Variants in SDK1 observed in about 807,000 individuals in gnomAD.
SDK1 encodes sidekick cell adhesion molecule 1.
Under a neutral mutation model 245.5 loss-of-function variants are expected in SDK1, and 157 were observed. That is an observed-to-expected ratio of 0.64 (90% CI 0.56 to 0.73). SDK1 has a LOEUF of 0.73. Among genes scored for constraint, SDK1 ranks in the 30% least tolerant of loss-of-function variants. The pLI is 0.00. For missense variants in SDK1, 3,583 were observed against 3,002.3 expected, an observed-to-expected ratio of 1.19 and a Z score of -4.52; for synonymous variants, 1,647 against 1,278.5, an observed-to-expected ratio of 1.29 and a Z score of -6.15.
intron 1 of SDK1, among the ~76,000 whole-genome samples, chr7:3,472,866 G>T (rs546625264): frequency 1.3e-5 from 2 of 152,266 alleles, no homozygotes; most frequent in East Asian, 3.9e-4. Flanking sequence ...GAGAACATGG[G>T]GTAACAGTCA....
At chr7:3,979,118 C>T (rs961539177) in intron 13 of SDK1, among the ~76,000 whole-genome samples, 2 of 152,180 alleles carry the variant, frequency 1.3e-5, no homozygotes, top group African/African-American at 4.8e-5. Context: ...CCCTGCTCAC[C>T]TTTCACTACT....
intron 27 of SDK1, among the ~76,000 whole-genome samples, chr7:4,131,906 A>G (rs1036523275): frequency 2.0e-5 from 3 of 152,220 alleles, no homozygotes; most frequent in African/African-American, 7.2e-5. Context: ...AGGCCGCCTC[A>G]TCTACCACCT....
intron 1 of SDK1, among the ~76,000 whole-genome samples, chr7:3,308,170 G>A (rs1003833024): frequency 6.6e-6 from 1 of 152,102 alleles, no homozygotes; most frequent in Admixed American, 6.6e-5. Flanking sequence ...GAAATTTGGA[G>A]AAATAAATTT....
chr7:3,431,193 G>A (rs113943681), intron 1 of SDK1, among the ~76,000 whole-genome samples: 5,736 of 152,068 alleles, frequency 0.038, 328 homozygotes, highest in African/African-American at 0.12. Context: ...GAGGCACCAC[G>A]CCTGGCCTTT....
intron 1 of SDK1, among the ~76,000 whole-genome samples, chr7:3,574,054 C>G (rs1454185344): frequency 2.6e-5 from 4 of 151,712 alleles, no homozygotes; most frequent in East Asian, 3.9e-4. Flanking sequence ...GAATTTGTAG[C>G]TGAGGATAGA....
chr7:4,238,175 A>C (rs970996605), intron 42 of SDK1, among the ~76,000 whole-genome samples: 4 of 151,596 alleles, frequency 2.6e-5, no homozygotes, highest in African/African-American at 9.7e-5. Flanking sequence ...TGTCTCCTGC[A>C]TTCAAGTGAT....
chr7:4,051,330 T>A (rs932982062), intron 18 of SDK1, among the ~76,000 whole-genome samples: 4 of 147,730 alleles, frequency 2.7e-5, no homozygotes, highest in African/African-American at 9.9e-5. Context: ...TATATATATG[T>A]TTTTTAACCT....
At chr7:3,680,354 A>T (rs1026641470) in intron 4 of SDK1, among the ~76,000 whole-genome samples, 8 of 152,186 alleles carry the variant, frequency 5.3e-5, no homozygotes, top group Non-Finnish European at 1.0e-4. Flanking sequence ...GGTGGACAGC[A>T]CAGGGGATCT....
At chr7:4,198,176 C>T (rs990366909) in intron 35 of SDK1, among the ~76,000 whole-genome samples, 2 of 152,222 alleles carry the variant, frequency 1.3e-5, no homozygotes, top group Non-Finnish European at 2.9e-5. Context: ...GTGGAAATGT[C>T]CTGTAGCTCC....
chr7:4,065,773 G>T (rs1779860024), intron 19 of SDK1, among the ~76,000 whole-genome samples: 1 of 134,378 alleles, frequency 7.4e-6, no homozygotes, highest in Non-Finnish European at 1.5e-5. Flanking sequence ...GTGTTAGAAG[G>T]CTTTGTCCAA....
intron 1 of SDK1, among the ~76,000 whole-genome samples, chr7:3,399,245 T>C (rs1420737027): frequency 6.6e-6 from 1 of 152,160 alleles, no homozygotes; most frequent in Middle Eastern, 3.2e-3. Flanking sequence ...GTGGACTCCT[T>C]ACATGAATAT....
intron 16 of SDK1, 124 bp from the exon 17 acceptor site, chr7:4,017,047 C>A (rs1329402117): frequency 5.8e-6 from 5 of 861,822 alleles, no homozygotes; most frequent in Admixed American, 3.3e-5. Context: ...TTAGGGCTGA[C>A]CTCTCAGCTC....
At chr7:3,382,497 C>G (rs574645431) in intron 1 of SDK1, among the ~76,000 whole-genome samples, 2 of 152,162 alleles carry the variant, frequency 1.3e-5, no homozygotes, top group Non-Finnish European at 2.9e-5. Flanking sequence ...ACTTCCTCAC[C>G]TCAATCATTG....
intron 4 of SDK1, among the ~76,000 whole-genome samples, chr7:3,651,662 A>C (rs1265483101): frequency 6.6e-6 from 1 of 152,212 alleles, no homozygotes; most frequent in Non-Finnish European, 1.5e-5. Context: ...GACTCTTCAC[A>C]GTCCAGAAGC....
intron 4 of SDK1, among the ~76,000 whole-genome samples, chr7:3,745,541 T>A (rs1779591508): frequency 7.5e-6 from 1 of 133,450 alleles, no homozygotes; most frequent in Non-Finnish European, 1.5e-5. Context: ...TTTGCATGTG[T>A]GTGTGTGTGT....
At chr7:3,374,973 C>T (rs1294721039) in intron 1 of SDK1, among the ~76,000 whole-genome samples, 2 of 152,058 alleles carry the variant, frequency 1.3e-5, no homozygotes, top group East Asian at 3.9e-4. Flanking sequence ...ATATCTAACA[C>T]CTGTAATTGT....
At chr7:3,935,896 A>G (rs1374028051) in intron 5 of SDK1, among the ~76,000 whole-genome samples, 1 of 152,208 alleles carries the variant, frequency 6.6e-6, no homozygotes, top group African/African-American at 2.4e-5. Flanking sequence ...CTGGATATAT[A>G]CCCAAAAGAG....
At chr7:3,880,138 G>A (rs560488776) in intron 5 of SDK1, among the ~76,000 whole-genome samples, 3 of 152,338 alleles carry the variant, frequency 2.0e-5, no homozygotes, top group African/African-American at 7.2e-5. Context: ...GGTTTTTAAT[G>A]AACATGAACA....
chr7:3,727,023 C>G (rs1374231644), intron 4 of SDK1, among the ~76,000 whole-genome samples: 4 of 152,206 alleles, frequency 2.6e-5, no homozygotes, highest in Non-Finnish European at 4.4e-5. Context: ...AGGTAGGTCT[C>G]TTTGACTGAC....
Sources: gnomAD v4.1 joint callset for allele counts (sites outside exome capture counted in the v4.1 genomes callset) on GRCh38, gnomAD v4.1.1 for gene constraint, MANE v1.5 for transcripts, NCBI Gene and HGNC (gene_info 2026-07-23, HGNC 2026-07-21) for gene names.